Variants in DOK5 observed in about 807,000 individuals in gnomAD.
DOK5 encodes docking protein 5, also known as downstream of tyrosine kinase 5.
DOK5 carries 27 observed loss-of-function variants against 43.3 expected under a neutral mutation model. That is an observed-to-expected ratio of 0.62 (90% CI 0.46 to 0.86). The LOEUF is 0.86. Ranked by LOEUF, DOK5 falls within the 40% of genes least tolerant of loss-of-function variation. DOK5 has a pLI of 0.00. For missense variants in DOK5, 373 were observed against 392.9 expected, an observed-to-expected ratio of 0.95 and a Z score of 0.43; for synonymous variants, 146 against 140.1, an observed-to-expected ratio of 1.04 and a Z score of -0.30.
intron 1 of DOK5, among the ~76,000 whole-genome samples, chr20:54,552,688 G>C (rs1371751425): frequency 1.3e-5 from 2 of 152,046 alleles, no homozygotes; most frequent in African/African-American, 4.8e-5. Context: ...AGTAATCCCT[G>C]ACTTTTTTAT....
chr20:54,551,726 T>A (rs560439924), intron 1 of DOK5, among the ~76,000 whole-genome samples: 1 of 152,328 alleles, frequency 6.6e-6, no homozygotes, highest in African/African-American at 2.4e-5. Context: ...TTGATGGATT[T>A]AATAACTGTG....
chr20:54,615,622 A>T (rs1384108643), intron 6 of DOK5, among the ~76,000 whole-genome samples: 1 of 152,178 alleles, frequency 6.6e-6, no homozygotes, highest in Admixed American at 6.5e-5. Flanking sequence ...TAGAAAAGGC[A>T]TAAAAACAGC....
intron 1 of DOK5, among the ~76,000 whole-genome samples, chr20:54,545,589 G>T (rs1984313859): frequency 6.6e-6 from 1 of 152,210 alleles, no homozygotes; most frequent in Non-Finnish European, 1.5e-5. Flanking sequence ...GAGTTGAGAA[G>T]TTGTATGAGA....
intron 1 of DOK5, among the ~76,000 whole-genome samples, chr20:54,495,705 A>G (rs1982364288): frequency 6.6e-6 from 1 of 152,192 alleles, no homozygotes. Flanking sequence ...AGCCTGGCCA[A>G]CGTAGTGAAA....
chr20:54,475,801 C>A lies in DOK5; in HGVS notation c.-146C>A. 1 of 956,288 alleles carries A rather than the reference C, an allele frequency of 1.0e-6. No individual in the cohort carries two copies. Among genetic ancestry groups the A allele is most frequent in the Non-Finnish European group, 1.6e-6 (1 of 632,838 alleles). The allele number at this position is 956,288 out of a possible 1,614,324, so 59.2% of individuals were successfully genotyped here. A position where few individuals can be genotyped will look rare whatever the true frequency, so the allele number is the denominator to read the frequency against. ...GGACAGAGAAAGTGATGTGCGCCTT[C>A]TAAAGCCTCGCCCAGCGCCGCCGAA... is the stretch of plus-strand genomic sequence containing the variant. On this transcript the variant is annotated 5_prime_UTR_variant, in exon 1 of 8. Coordinates refer to ENST00000262593, the MANE Select transcript of DOK5 (RefSeq NM_018431.5). The surrounding 1 kb of genome is among the most constrained non-coding windows in gnomAD (Gnocchi z 4.2).
At chr20:54,639,938 A>G (rs1979023824) in intron 6 of DOK5, among the ~76,000 whole-genome samples, 1 of 152,226 alleles carries the variant, frequency 6.6e-6, no homozygotes, top group South Asian at 2.1e-4. Context: ...TTATTTACCC[A>G]GTGGTTCCAG....
At chr20:54,556,591 A>G (rs1033036635) in intron 2 of DOK5, among the ~76,000 whole-genome samples, 3 of 152,248 alleles carry the variant, frequency 2.0e-5, no homozygotes, top group African/African-American at 4.8e-5. Context: ...GAGCAATGCT[A>G]TAAGGATGAC....
rs145646160 is a variant in DOK5 at position 54,561,465 on chromosome 20, G to A, written c.174+6425G>A. ...CTTTCCTACTGATTCGAAAATGGGC[G>A]TCAGCCATCTTGGCCCATGATACTG... On this transcript the variant is annotated intron_variant, in intron 2 of 7. Coordinates refer to ENST00000262593, the MANE Select transcript of DOK5 (RefSeq NM_018431.5). Among the ~76,000 whole-genome samples the A allele has an allele frequency of 4.6e-5, 7 of 152,272 alleles. No homozygotes were observed. The East Asian group carries it at 5.8e-4, about 13-fold the overall frequency.
intron 6 of DOK5, among the ~76,000 whole-genome samples, chr20:54,632,961 C>G (rs1317776577): frequency 1.3e-5 from 2 of 152,120 alleles, no homozygotes; most frequent in Admixed American, 1.3e-4. Context: ...CCTGTAATCC[C>G]AGCTTCTCCT....
At chr20:54,536,971 C>T (rs1002411589) in intron 1 of DOK5, among the ~76,000 whole-genome samples, 1 of 152,218 alleles carries the variant, frequency 6.6e-6, no homozygotes, top group Non-Finnish European at 1.5e-5. Flanking sequence ...ATGAGGTGCT[C>T]CTTCCTTCCC....
chr20:54,564,216 G>C (rs1156349097), intron 2 of DOK5, among the ~76,000 whole-genome samples: 3 of 152,092 alleles, frequency 2.0e-5, no homozygotes, highest in Non-Finnish European at 4.4e-5. Flanking sequence ...GAGGTCAGGA[G>C]ATCAAGACAA....
At chr20:54,636,188 G>A (rs775520143) in intron 6 of DOK5, among the ~76,000 whole-genome samples, 4 of 152,234 alleles carry the variant, frequency 2.6e-5, no homozygotes, top group Non-Finnish European at 2.9e-5. Flanking sequence ...CAGGCTGGCT[G>A]CCTTCATTTA....
chr20:54,569,168 T>C (rs1296029616), intron 2 of DOK5, among the ~76,000 whole-genome samples: 1 of 152,164 alleles, frequency 6.6e-6, no homozygotes, highest in Non-Finnish European at 1.5e-5. Flanking sequence ...ATATTATACA[T>C]ATTATATTTA....
chr20:54,582,261 A>G (rs1167441151), intron 2 of DOK5, among the ~76,000 whole-genome samples: 1 of 151,828 alleles, frequency 6.6e-6, no homozygotes, highest in Non-Finnish European at 1.5e-5. Flanking sequence ...TCAGTTTGCT[A>G]GTATTTTATT....
intron 1 of DOK5, among the ~76,000 whole-genome samples, chr20:54,550,766 T>G (rs1442073183): frequency 6.6e-6 from 1 of 152,212 alleles, no homozygotes; most frequent in Admixed American, 6.5e-5. Flanking sequence ...GTATGGAGGA[T>G]GTACCACAGT....
At chr20:54,483,084 A>T (rs1219970119) in intron 1 of DOK5, among the ~76,000 whole-genome samples, 1 of 152,114 alleles carries the variant, frequency 6.6e-6, no homozygotes, top group African/African-American at 2.4e-5. Flanking sequence ...TCTTCATCTG[A>T]TTGTCCATGT....
intron 1 of DOK5, among the ~76,000 whole-genome samples, chr20:54,500,406 T>G (rs561417548): frequency 6.6e-6 from 1 of 152,282 alleles, no homozygotes; most frequent in Non-Finnish European, 1.5e-5. Context: ...TGCTGAATTT[T>G]ATAATATTTT....
chr20:54,595,724 T>C (rs973186488), intron 5 of DOK5, among the ~76,000 whole-genome samples: 6 of 152,238 alleles, frequency 3.9e-5, no homozygotes, highest in African/African-American at 1.2e-4. Context: ...TTTGCAGGGC[T>C]GGTGCAAACT....
chr20:54,542,490 A>C (rs1440300362), intron 1 of DOK5, among the ~76,000 whole-genome samples: 2 of 152,240 alleles, frequency 1.3e-5, no homozygotes, highest in East Asian at 3.8e-4. Context: ...CAGAGAAGGA[A>C]AAGCATATAT....
Sources: allele counts gnomAD v4.1 joint callset (sites outside exome capture counted in the v4.1 genomes callset), GRCh38; gene constraint gnomAD v4.1.1; non-coding constraint Gnocchi (gnomAD v3.1); transcripts MANE v1.5; gene names NCBI Gene and HGNC (gene_info 2026-07-23, HGNC 2026-07-21).